The following COL12A1 variants were observed in gnomAD, a reference collection of about 807,000 sequenced individuals.
COL12A1 encodes the protein collagen alpha-1(XII) chain.
COL12A1 carries 114 observed loss-of-function variants against 349.7 expected under a neutral mutation model. The ratio of observed to expected loss-of-function variants is 0.33; its 90% CI spans 0.28 to 0.38. COL12A1 has a LOEUF of 0.38. COL12A1 is among the 10% of genes least tolerant of loss of function. The probability of loss-of-function intolerance (pLI) is 1.00; values close to 1 mark genes in which losing one functional copy is unlikely to be tolerated. For missense variants in COL12A1, 3,284 were observed against 3,756.9 expected, an observed-to-expected ratio of 0.87 and a Z score of 3.29; for synonymous variants, 1,369 against 1,329.0, an observed-to-expected ratio of 1.03 and a Z score of -0.66.
chr6:75,177,971 A>G, intron 11 of COL12A1, 36 bp from the exon 12 acceptor site: 4 of 1,546,632 alleles, frequency 2.6e-6, no homozygotes, highest in Non-Finnish European at 3.5e-6. Flanking sequence ...TTTAAACCAT[A>G]AATTGACTGA....
intron 2 of COL12A1, among the ~76,000 whole-genome samples, chr6:75,196,637 C>T (rs1464035954): frequency 3.3e-5 from 5 of 152,168 alleles, no homozygotes; most frequent in African/African-American, 1.2e-4. Flanking sequence ...GTACTCATCA[C>T]TCAGTATAAC....
At chr6:75,152,299 A>C in intron 18 of COL12A1, 34 bp downstream of exon 18, 1 of 1,613,416 alleles carries the variant, frequency 6.2e-7, no homozygotes, top group Non-Finnish European at 8.5e-7. Flanking sequence ...AAAGATAAAA[A>C]TGTCTAAATG....
chr6:75,175,213 G>C lies in COL12A1; in HGVS notation c.2535C>G (p.Leu845=), dbSNP rs372378385. ...CCCCTGCCACTGGGGTATATGTGACGAGATACTGTTTCACTTTTCCTGGTG... is the reference window on the plus strand; with the variant it reads ...CCCCTGCCACTGGGGTATATGTGACCAGATACTGTTTCACTTTTCCTGGTG... ...SGAPGKVKQY[L]VTYTPVAGGE... Residue 845 remains leucine (L), a synonymous_variant, in exon 13 of 66, where the codon CTC becomes CTG. Coordinates refer to ENST00000322507, the MANE Select transcript of COL12A1 (RefSeq NM_004370.6). The C allele has an allele frequency of 6.2e-7, 1 of 1,614,098 alleles. No individual in the cohort carries two copies. Among genetic ancestry groups the C allele is most frequent in the Non-Finnish European group, 8.5e-7 (1 of 1,180,008 alleles).
intron 14 of COL12A1, among the ~76,000 whole-genome samples, chr6:75,157,728 T>C (rs1304676716): frequency 6.6e-6 from 1 of 152,056 alleles, no homozygotes; most frequent in African/African-American, 2.4e-5. Flanking sequence ...AGAAAATACT[T>C]GGTCTTCAAC....
chr6:75,180,995 G>C lies in COL12A1; in HGVS notation c.2108C>G (p.Ala703Gly). 6.2e-7 allele frequency: 1 copy of C among 1,613,952 alleles called. No individual in the cohort carries two copies. The highest frequency in any genetic ancestry group is 8.5e-7 in the Non-Finnish European group (1 of 1,179,980). ...PETLYLVNVT[A>G]EYEDGFSIPL... ...AATGCTGAAGCCATCCTCATACTCCGCAGTCACATTGACCAAATACAAGGT... is the reference window on the plus strand; with the variant it reads ...AATGCTGAAGCCATCCTCATACTCCCCAGTCACATTGACCAAATACAAGGT... Residue 703 changes from alanine (A) to glycine (G), a missense_variant, in exon 11 of 66, where the codon GCG (alanine) becomes GGG (glycine). Ala to Gly is a moderately conservative substitution (Grantham distance 60). This residue lies in a region of COL12A1 where 2,601 missense variants were observed against 2,824.8 expected (regional missense o/e 0.92). Transcript: ENST00000322507.
intron 30 of COL12A1, among the ~76,000 whole-genome samples, chr6:75,137,797 T>C (rs1766697700): frequency 6.6e-6 from 1 of 152,160 alleles, no homozygotes. Flanking sequence ...AAGTTCCAAC[T>C]TCCAATATGA....
chr6:75,121,721 A>C (rs1327223572), intron 43 of COL12A1, among the ~76,000 whole-genome samples: 2 of 152,178 alleles, frequency 1.3e-5, no homozygotes, highest in Non-Finnish European at 2.9e-5. Flanking sequence ...ATTTGTTTAG[A>C]TCCATTATGC....
intron 59 of COL12A1, among the ~76,000 whole-genome samples, chr6:75,095,594 G>C (rs1370920496): frequency 7.1e-6 from 1 of 140,316 alleles, no homozygotes; most frequent in South Asian, 2.2e-4. Context: ...TCCGCAGTCC[G>C]GCCTGGGCGA....
intron 18 of COL12A1, 38 bp from the exon 19 acceptor site, chr6:75,152,288 G>C (rs1203939155): frequency 6.2e-7 from 1 of 1,613,536 alleles, no homozygotes; most frequent in Non-Finnish European, 8.5e-7. Flanking sequence ...ATGTGAAAGA[G>C]AAAGATAAAA....
chr6:75,180,946 G>C lies in COL12A1; in HGVS notation c.2157C>G (p.Thr719=). The change falls in exon 11 of 66, where the codon ACC becomes ACG. Residue 719 remains threonine, a synonymous_variant. Transcript: ENST00000322507. ...FSIPLAGEET[T]EEVKGAPRNL... Reference sequence around the variant, plus strand: ...GCAGAAACCCCATCACACCTTCTTCGGTGGTCTCCTCTCCAGCTAAGGGAA... The same window carrying C: ...GCAGAAACCCCATCACACCTTCTTCCGTGGTCTCCTCTCCAGCTAAGGGAA... 3.7e-6 allele frequency: 6 copies of C among 1,609,794 alleles called. No homozygotes were observed. Among genetic ancestry groups the C allele is most frequent in the Non-Finnish European group, 5.1e-6 (6 of 1,176,686 alleles).
chr6:75,173,897 T>C (rs149518574), intron 13 of COL12A1, among the ~76,000 whole-genome samples: 1 of 152,252 alleles, frequency 6.6e-6, no homozygotes, highest in African/African-American at 2.4e-5. Context: ...TCATTTAAAA[T>C]AAATCATATA....
chr6:75,138,378 T>C lies in COL12A1; in HGVS notation c.5231-38A>G, dbSNP rs759958727. The C allele has an allele frequency of 2.2e-5, 35 of 1,610,412 alleles. No individual in the cohort carries two copies. The Admixed American group carries it at 5.2e-4, about 24-fold the overall frequency. On this transcript the variant is annotated intron_variant, in intron 29 of 65. Coordinates refer to ENST00000322507, the MANE Select transcript of COL12A1 (RefSeq NM_004370.6). ...AGAATTTGGGAACACATTACTAATA[T>C]AGCTGTAGCCCTATTTTTTAAAAAT... is the stretch of plus-strand genomic sequence containing the variant.
rs201158030 is a variant in COL12A1, at chr6:75,113,625, G to A, written c.7817C>T (p.Pro2606Leu). ...ACGATCTGCAATCACTCCAACTTGT[G>A]GTTTGTAGTCTCTGTCTGTGATTTG... is the stretch of plus-strand genomic sequence containing the variant. ...IWQITDRDYK[P>L]QVGVIADPSS... The change falls in exon 50 of 66, where the codon CCA becomes CTA. Residue 2606 changes from proline to leucine, a missense_variant. Pro to Leu is a moderately conservative substitution (Grantham distance 98). This residue lies in a region of COL12A1 where 683 missense variants were observed against 932.1 expected (regional missense o/e 0.73). Transcript: ENST00000322507. 7.5e-6 allele frequency: 12 copies of A among 1,609,362 alleles called. No homozygotes were observed. The East Asian group carries it at 2.7e-4, about 36-fold the overall frequency.
Position 75,155,679 on chromosome 6 carries a change from A to G in COL12A1, c.3426T>C (p.Val1142=). 6.2e-7 allele frequency: 1 copy of G among 1,605,400 alleles called. No homozygotes were observed. Among genetic ancestry groups the G allele is most frequent in the Non-Finnish European group, 8.5e-7 (1 of 1,177,376 alleles). Residue 1142 remains valine (V), a synonymous_variant, in exon 16 of 66, where the codon GTT becomes GTC. Transcript: ENST00000322507. ...ATTCCTACCTAAGTTCCTCCAAAACAACTGTGTTGTCATAGGGTCCAACCA... is the reference window on the plus strand; with the variant it reads ...ATTCCTACCTAAGTTCCTCCAAAACGACTGTGTTGTCATAGGGTCCAACCA... ...ELVVGPYDNT[V]VLEELRAGTT... is the part of the protein sequence containing the mutation.
chr6:75,154,382 T>A (rs1767647750), intron 17 of COL12A1, 34 bp downstream of exon 17: 1 of 1,602,344 alleles, frequency 6.2e-7, no homozygotes, highest in Admixed American at 1.7e-5. Flanking sequence ...TTTCCTAAGT[T>A]GTTTTCCTCA....
rs964958876 is a variant in COL12A1, at chr6:75,155,840, A to T, written c.3265T>A (p.Ser1089Thr). 1.3e-6 allele frequency: 2 copies of T among 1,599,166 alleles called. No homozygotes were observed. The highest frequency in any genetic ancestry group is 4.5e-5 in the East Asian group (2 of 44,620). The change falls in exon 16 of 66, where the codon TCT becomes ACT. Residue 1089 changes from serine (S) to threonine (T), a missense_variant. Transcript: ENST00000322507. ...GSGTTASRFK[S>T]PRNLKTSDPT... is the part of the protein sequence containing the mutation. ...TCAGATGTTTTGAGGTTTCTAGGAGACTTAAACCGAGAAGCTGTAAAGACA... is the reference window on the plus strand; with the variant it reads ...TCAGATGTTTTGAGGTTTCTAGGAGTCTTAAACCGAGAAGCTGTAAAGACA...
At chr6:75,169,193 G>A (rs1290415922) in intron 13 of COL12A1, among the ~76,000 whole-genome samples, 1 of 152,154 alleles carries the variant, frequency 6.6e-6, no homozygotes, top group East Asian at 1.9e-4. Flanking sequence ...TCAATACATT[G>A]TCATTTTTGT....
intron 8 of COL12A1, 85 bp from the exon 9 acceptor site, chr6:75,184,229 C>T: frequency 2.2e-6 from 3 of 1,355,472 alleles, no homozygotes; most frequent in Non-Finnish European, 3.0e-6. Flanking sequence ...CTTCAAATCT[C>T]CTTATTCAAA....
At chr6:75,093,723 T>A (rs2149331792) in intron 60 of COL12A1, among the ~76,000 whole-genome samples, 1 of 152,302 alleles carries the variant, frequency 6.6e-6, no homozygotes, top group Non-Finnish European at 1.5e-5. Flanking sequence ...TATTTTGAGA[T>A]TGTTCTGATT....
Sources: allele counts gnomAD v4.1 joint callset (sites outside exome capture counted in the v4.1 genomes callset), GRCh38; gene constraint gnomAD v4.1.1; regional missense constraint gnomAD v4.1.1; transcripts MANE v1.5; gene names NCBI Gene and HGNC (gene_info 2026-07-23, HGNC 2026-07-21).